The following TFEC variants were observed in gnomAD, a reference collection of about 807,000 sequenced individuals.
TFEC encodes transcription factor EC.
In TFEC, 31 loss-of-function variants were observed where a neutral mutation model predicts 41.6. The ratio of observed to expected loss-of-function variants is 0.74; its 90% CI spans 0.56 to 1.01. TFEC has a LOEUF of 1.01. Among genes scored for constraint, TFEC ranks in the 50% least tolerant of loss-of-function variants. The pLI is 0.00. For missense variants in TFEC, 402 were observed against 404.1 expected, an observed-to-expected ratio of 0.99 and a Z score of 0.04; for synonymous variants, 143 against 140.6, an observed-to-expected ratio of 1.02 and a Z score of -0.12.
chr7:116,080,803 A>G (rs897155294), intron 3 of TFEC, among the ~76,000 whole-genome samples: 1 of 152,268 alleles, frequency 6.6e-6, no homozygotes, highest in South Asian at 2.1e-4. Flanking sequence ...AACTAAAAGT[A>G]TATCTATCAT....
At position 116,073,834 on chromosome 7, in the gene TFEC, T is replaced by C. The variant is rs118180614; in HGVS notation, c.198+36874A>G. On this transcript the variant is annotated intron_variant, in intron 3 of 8. Coordinates refer to the TFEC transcript ENST00000484212. ...AATAGAAATCCAGAAATAATAGACA[T>C]AGATCAATAGAATAAAATTGAGAGT... Among the ~76,000 whole-genome samples the C allele has an allele frequency of 9.1e-3, 1,381 of 151,948 alleles. 10 individuals carry two copies. The highest frequency in any genetic ancestry group is 0.014 in the Non-Finnish European group (921 of 67,826).
chr7:116,034,867 T>C (rs77227818), upstream of TFEC, among the ~76,000 whole-genome samples: 414 of 152,114 alleles, frequency 2.7e-3, no homozygotes, highest in African/African-American at 9.5e-3. Flanking sequence ...ACACCTCCTT[T>C]AACTCTTTGT....
intron 1 of TFEC, among the ~76,000 whole-genome samples, chr7:116,025,380 CT>C (rs1221827578): frequency 6.6e-6 from 1 of 152,048 alleles, no homozygotes; most frequent in African/African-American, 2.4e-5. Flanking sequence ...GAGAGAGGTC[CT>C]TCCTTTGCAC....
intron 1 of TFEC, among the ~76,000 whole-genome samples, chr7:116,151,938 A>G (rs976996198): frequency 6.6e-6 from 1 of 152,166 alleles, no homozygotes; most frequent in Admixed American, 6.5e-5. Context: ...TTTCTTCCCA[A>G]TACAGGAAGT....
intron 1 of TFEC, among the ~76,000 whole-genome samples, chr7:116,000,846 A>T (rs1389393962): frequency 6.6e-6 from 1 of 152,170 alleles, no homozygotes; most frequent in Admixed American, 6.5e-5. Context: ...GAATTGGAAG[A>T]ATCAATATTG....
At chr7:116,149,921 C>T (rs1265104975) in intron 1 of TFEC, among the ~76,000 whole-genome samples, 1 of 152,012 alleles carries the variant, frequency 6.6e-6, no homozygotes, top group Non-Finnish European at 1.5e-5. Flanking sequence ...TGTAGTTTGT[C>T]TTGACTCTAG....
intron 1 of TFEC, among the ~76,000 whole-genome samples, chr7:116,000,556 C>T (rs1053227779): frequency 6.6e-6 from 1 of 152,010 alleles, no homozygotes; most frequent in Non-Finnish European, 1.5e-5. Context: ...AAAGACTCCA[C>T]ACAAAAAAGC....
At chr7:115,990,770 G>A (rs529802967) in intron 1 of TFEC, among the ~76,000 whole-genome samples, 2 of 152,332 alleles carry the variant, frequency 1.3e-5, no homozygotes, top group South Asian at 4.1e-4. Context: ...GTACCTGAAA[G>A]TGACGGGGAG....
At chr7:116,010,474 A>G (rs979503782) in intron 1 of TFEC, among the ~76,000 whole-genome samples, 12 of 152,206 alleles carry the variant, frequency 7.9e-5, no homozygotes, top group Admixed American at 7.2e-4. Flanking sequence ...TGTTCAAGAA[A>G]GAATAGAGAA....
At chr7:116,092,914 A>G (rs923740295) in intron 3 of TFEC, among the ~76,000 whole-genome samples, 1 of 152,180 alleles carries the variant, frequency 6.6e-6, no homozygotes, top group African/African-American at 2.4e-5. Context: ...ACACTTCCAT[A>G]GGCTCTACAA....
At chr7:115,945,089 TCAA>T (rs1184104610) in intron 6 of TFEC, among the ~76,000 whole-genome samples, 1 of 149,248 alleles carries the variant, frequency 6.7e-6, no homozygotes, top group African/African-American at 2.5e-5. Context: ...AGTCACCTGT[TCAA>T]CAAGTTATTC....
intron 3 of TFEC, among the ~76,000 whole-genome samples, chr7:116,045,816 G>A (rs1192576998): frequency 6.6e-6 from 1 of 152,210 alleles, no homozygotes; most frequent in African/African-American, 2.4e-5. Flanking sequence ...CAGCCAAGAG[G>A]GAGGCTGGAC....
At chr7:116,120,065 T>C (rs1798077781) in intron 1 of TFEC, 2 of 151,718 alleles carry the variant, frequency 1.3e-5, no homozygotes, top group South Asian at 2.1e-4. Context: ...ATATATTCGG[T>C]AAGATAAAGA....
At chr7:116,037,437 AACTGG>A (rs1200610376) in intron 3 of TFEC, among the ~76,000 whole-genome samples, 1 of 151,996 alleles carries the variant, frequency 6.6e-6, no homozygotes, top group African/African-American at 2.4e-5. Context: ...GGGTGCATAG[AACTGG>A]ATTTTTTATG....
At chr7:115,980,783 A>G (rs1793596204) in intron 2 of TFEC, among the ~76,000 whole-genome samples, 1 of 151,960 alleles carries the variant, frequency 6.6e-6, no homozygotes. Context: ...AAAAACAAAA[A>G]AAAACAAAAA....
At chr7:116,098,956 A>C (rs1797540179) in intron 3 of TFEC, among the ~76,000 whole-genome samples, 1 of 152,094 alleles carries the variant, frequency 6.6e-6, no homozygotes. Flanking sequence ...TCTTTCATAG[A>C]TTTAGAAGCA....
chr7:116,017,029 A>C, intron 1 of TFEC, among the ~76,000 whole-genome samples: 1 of 152,152 alleles, frequency 6.6e-6, no homozygotes, highest in East Asian at 1.9e-4. Context: ...CTCAAATAGA[A>C]CCATCCTTGC....
At chr7:116,124,215 T>C (rs1031088453) in intron 1 of TFEC, among the ~76,000 whole-genome samples, 5 of 152,086 alleles carry the variant, frequency 3.3e-5, no homozygotes, top group East Asian at 3.8e-4. Flanking sequence ...AAGTTTTTAA[T>C]GGAATATAGT....
At chr7:116,053,485 A>T (rs1314662836) in intron 3 of TFEC, among the ~76,000 whole-genome samples, 1 of 152,222 alleles carries the variant, frequency 6.6e-6, no homozygotes, top group Non-Finnish European at 1.5e-5. Context: ...GTCTTTTCCA[A>T]AAGTCATGTT....
Sources: allele counts gnomAD v4.1 joint callset (sites outside exome capture counted in the v4.1 genomes callset), GRCh38; gene constraint gnomAD v4.1.1; transcripts MANE v1.5; gene names NCBI Gene and HGNC (gene_info 2026-07-23, HGNC 2026-07-21).